Variants in NPC1 observed in about 807,000 individuals in gnomAD.
The protein encoded by NPC1 is NPC intracellular cholesterol transporter 1.
A neutral mutation model predicts 140.4 loss-of-function variants in NPC1; 85 were observed. That is an observed-to-expected ratio of 0.61 (90% CI 0.51 to 0.72). The LOEUF is 0.72. Ranked by LOEUF, NPC1 falls within the 30% of genes least tolerant of loss-of-function variation. NPC1 has a pLI of 0.00. For synonymous variants in NPC1, 656 were observed against 624.8 expected (o/e 1.05, Z -0.74); for missense variants, 1,504 against 1,623.8 (o/e 0.93, Z 1.27).
intron 3 of NPC1, among the ~76,000 whole-genome samples, chr18:23,513,188 A>G (rs1258424482): frequency 6.6e-6 from 1 of 152,180 alleles, no homozygotes; most frequent in African/African-American, 2.4e-5. Flanking sequence ...TCCTGACTTC[A>G]GGTGATCCAC....
Position 23,545,739 on chromosome 18 carries a change from G to A in NPC1, c.1758-590C>T, listed in dbSNP as rs965146096. Among the ~76,000 whole-genome samples the A allele has an allele frequency of 3.3e-5, 5 of 152,072 alleles. No homozygotes were observed. In the South Asian group the frequency reaches 8.3e-4, roughly 25 times the overall value. Reference sequence around the variant, plus strand: ...CTTGAGTAGCTGGTACTACAGAGACGTATCCCCATGCCTGGCTAATTTTAA... The same window carrying A: ...CTTGAGTAGCTGGTACTACAGAGACATATCCCCATGCCTGGCTAATTTTAA... On this transcript the variant is annotated intron_variant, in intron 11 of 24. Transcript: ENST00000269228.
chr18:23,532,198 A>G lies in NPC1; in HGVS notation c.*4T>C. 6.2e-7 allele frequency: 1 copy of G among 1,614,070 alleles called. No individual in the cohort carries two copies. The highest frequency in any genetic ancestry group is 1.1e-5 in the South Asian group (1 of 91,068). On this transcript the variant is annotated 3_prime_UTR_variant, in exon 25 of 25. Coordinates refer to ENST00000269228, the MANE Select transcript of NPC1 (RefSeq NM_000271.5). ...CAGTTCAGTCAGGATGCCCTGCGAG[A>G]GGGCTAGAAATTTAGAAGCCGTTCG...
At chr18:23,548,344 T>C (rs1035559531) in intron 10 of NPC1, among the ~76,000 whole-genome samples, 2 of 151,882 alleles carry the variant, frequency 1.3e-5, no homozygotes, top group African/African-American at 2.4e-5. Context: ...TAACTCTTTT[T>C]TTTTTTTTTT....
Position 23,544,951 on chromosome 18 carries a change from C to G in NPC1, c.1947+9G>C, listed in dbSNP as rs56104765. ...CCTCTAGAACATACACCACCCCCCC[C>G]CGGCTTACCAGAAGCCTGCGACAGC... On this transcript the variant is annotated intron_variant, in intron 12 of 24. Coordinates refer to ENST00000269228, the MANE Select transcript of NPC1 (RefSeq NM_000271.5). 9 of 1,436,006 alleles carry G rather than the reference C, an allele frequency of 6.3e-6. 2 individuals carry two copies. Among genetic ancestry groups the G allele is most frequent in the Middle Eastern group, 3.5e-4 (2 of 5,788 alleles). 89.0% of individuals were successfully genotyped at this position (1,436,006 alleles called of 1,614,324 possible). A position where few individuals can be genotyped will look rare whatever the true frequency, so the allele number is the denominator to read the frequency against.
rs745892286 is a variant in NPC1 at position 23,533,391 on chromosome 18, C to T, written c.3718G>A (p.Gly1240Arg). The T allele has an allele frequency of 1.2e-6, 2 of 1,614,076 alleles. No individual in the cohort carries two copies. The highest frequency in any genetic ancestry group is 1.6e-4 in the Middle Eastern group (1 of 6,062). Residue 1240 changes from glycine (G) to arginine (R), a missense_variant, in exon 24 of 25, where the codon GGA (glycine) becomes AGA (arginine). Physicochemically the swap from Gly to Arg is moderately radical, Grantham distance 125. Coordinates refer to ENST00000269228, the MANE Select transcript of NPC1 (RefSeq NM_000271.5). ...LAMVLLGATH[G>R]LIFLPVLLSY... ...AGTAAGACAGGGAGAAATATTAATC[C>T]GTGAGTGGCTCCCAGTAAGACCATG...
chr18:23,516,088 T>G (rs2057996287), intron 3 of NPC1: 9 of 1,569,604 alleles, frequency 5.7e-6, no homozygotes, highest in African/African-American at 1.4e-5. Flanking sequence ...TAGGGACAGG[T>G]TCCTCTAGCC....
At chr18:23,520,229 C>G, downstream of NPC1, 1 of 1,614,028 alleles carries the variant, frequency 6.2e-7, no homozygotes, top group Non-Finnish European at 8.5e-7. Context: ...TATCAAGTTA[C>G]GGGGAGAGTT....
chr18:23,552,966 T>C (rs900711095), intron 9 of NPC1, among the ~76,000 whole-genome samples: 1 of 152,180 alleles, frequency 6.6e-6, no homozygotes, highest in Non-Finnish European at 1.5e-5. Context: ...GGTAAGGGCA[T>C]GGTTCTGGGC....
chr18:23,527,223 CA>C (rs386387173), downstream of NPC1, among the ~76,000 whole-genome samples: 6,529 of 43,562 alleles, frequency 0.15, 187 homozygotes, highest in East Asian at 0.3. Flanking sequence ...CCTGTCTCTA[CA>C]AAAAAAAAAA....
chr18:23,537,180 C>G (rs965606875), intron 20 of NPC1, among the ~76,000 whole-genome samples: 1 of 152,190 alleles, frequency 6.6e-6, no homozygotes, highest in Middle Eastern at 3.2e-3. Context: ...GCAATTCTCC[C>G]TGCCTCAGCC....
At chr18:23,509,371 A>G in intron 3 of NPC1, 1 of 362,940 alleles carries the variant, frequency 2.8e-6, no homozygotes, top group Non-Finnish European at 4.6e-6. Flanking sequence ...ATATATATAT[A>G]TTTTAAACAT....
At chr18:23,555,023 C>G (rs368990902) in intron 8 of NPC1, 39 bp from the exon 9 acceptor site, 2 of 1,269,704 alleles carry the variant, frequency 1.6e-6, no homozygotes, top group Non-Finnish European at 2.3e-6. Flanking sequence ...CCCAGAAACA[C>G]GTCACATTTC....
intron 3 of NPC1, among the ~76,000 whole-genome samples, chr18:23,515,689 C>T (rs527795280): frequency 4.6e-5 from 7 of 152,144 alleles, no homozygotes; most frequent in South Asian, 2.1e-4. Context: ...TGTGCCACCA[C>T]GCCTGGCTAA....
At chr18:23,515,661 T>C (rs149552733) in intron 3 of NPC1, among the ~76,000 whole-genome samples, 5 of 152,272 alleles carry the variant, frequency 3.3e-5, no homozygotes, top group East Asian at 3.9e-4. Flanking sequence ...GCCTTCTGAG[T>C]AGCTGGAATT....
chr18:23,562,069 C>A (rs1476586526), intron 4 of NPC1, among the ~76,000 whole-genome samples: 2 of 152,146 alleles, frequency 1.3e-5, no homozygotes, highest in African/African-American at 2.4e-5. Context: ...GTGGGCGGAC[C>A]ACCAGGTCAG....
chr18:23,532,695 C>A (rs976014373), intron 24 of NPC1, among the ~76,000 whole-genome samples: 3 of 136,840 alleles, frequency 2.2e-5, no homozygotes, highest in Non-Finnish European at 3.1e-5. Context: ...GTGCTCATCT[C>A]TTTTTTTTTT....
intron 3 of NPC1, among the ~76,000 whole-genome samples, chr18:23,569,395 T>C (rs2059170787): frequency 2.6e-5 from 4 of 152,314 alleles, no homozygotes; most frequent in Middle Eastern, 3.4e-3. Context: ...TGATCACAGC[T>C]CACTGTAACC....
chr18:23,537,736 A>G (rs2058652991), intron 20 of NPC1, among the ~76,000 whole-genome samples: 1 of 152,220 alleles, frequency 6.6e-6, no homozygotes, highest in African/African-American at 2.4e-5. Flanking sequence ...ATCTACTTCA[A>G]CTTATTTTAC....
intron 10 of NPC1, among the ~76,000 whole-genome samples, chr18:23,549,009 G>T (rs943859619): frequency 6.6e-6 from 1 of 152,084 alleles, no homozygotes; most frequent in Non-Finnish European, 1.5e-5. Context: ...GGCTGGACTT[G>T]AACTACTGGG....
Sources: allele counts gnomAD v4.1 joint callset (sites outside exome capture counted in the v4.1 genomes callset), GRCh38; gene constraint gnomAD v4.1.1; transcripts MANE v1.5; gene names NCBI Gene and HGNC (gene_info 2026-07-23, HGNC 2026-07-21).